Variants in ZDHHC11B observed in about 807,000 individuals in gnomAD.
The protein encoded by ZDHHC11B is zDHHC palmitoyltransferase 11B (putative).
Under a neutral mutation model 42.3 loss-of-function variants are expected in ZDHHC11B, and 17 were observed. The ratio of observed to expected loss-of-function variants is 0.40; its 90% confidence interval spans 0.27 to 0.60. The LOEUF (loss-of-function observed/expected upper bound fraction) is 0.60, where lower values mean the gene tolerates loss of function less well. Among genes scored for constraint, ZDHHC11B ranks in the 20% least tolerant of loss-of-function variants. The pLI is 0.41. For synonymous variants in ZDHHC11B, 123 were observed against 193.5 expected, an observed-to-expected ratio of 0.64 and a Z score of 3.02; for missense variants, 262 against 463.2, an observed-to-expected ratio of 0.57 and a Z score of 3.99.
At chr5:774,992 T>G (rs910731798) in intron 1 of ZDHHC11B, among the ~76,000 whole-genome samples, 2 of 151,998 alleles carry the variant, frequency 1.3e-5, no homozygotes, top group Non-Finnish European at 2.9e-5. Context: ...GGACAGGCCA[T>G]GCTCACATCA....
Position 733,768 on chromosome 5 carries a change from C to G in ZDHHC11B, c.1007G>C (p.Gly336Ala). The G allele has an allele frequency of 5.0e-6, 8 of 1,611,432 alleles. 1 individual carries two copies. The highest frequency in any genetic ancestry group is 6.8e-6 in the Non-Finnish European group (8 of 1,179,336). ...CHFCTSVNQD[G>A]DSKAQEADDA... Reference sequence around the variant, plus strand: ...GCAACTTACCTGTGCCTTCGAATCCCCGTCCTGGTTTACTGAAGTGCAGAA... The same window carrying G: ...GCAACTTACCTGTGCCTTCGAATCCGCGTCCTGGTTTACTGAAGTGCAGAA... Residue 336 changes from glycine (G) to alanine (A), a missense_variant, in exon 11 of 14, where the codon GGG (glycine) becomes GCG (alanine). By Grantham distance (60) the Gly-to-Ala change is moderately conservative. Coordinates refer to ENST00000508859, the MANE Select transcript of ZDHHC11B (RefSeq NM_001351303.2).
rs954367716 is a variant in ZDHHC11B at position 733,145 on chromosome 5, G to A, written c.1023+607C>T. Among the ~76,000 whole-genome samples the A allele has an allele frequency of 8.0e-5, 12 of 150,746 alleles. No individual in the cohort carries two copies. The South Asian group carries it at 1.7e-3, about 21-fold the overall frequency. On this transcript the variant is annotated intron_variant, in intron 11 of 13. Coordinates refer to ENST00000508859, the MANE Select transcript of ZDHHC11B (RefSeq NM_001351303.2). Reference sequence around the variant, plus strand: ...ATGTGGCCCTAAAGCCGGCAGCCGCGCTGGTCTTTTCCTGTGAAGGATGGA... The same window carrying A: ...ATGTGGCCCTAAAGCCGGCAGCCGCACTGGTCTTTTCCTGTGAAGGATGGA...
chr5:766,871 G>A lies in ZDHHC11B; in HGVS notation c.49C>T (p.Arg17Cys), dbSNP rs150725920. The change falls in exon 4 of 14, where the codon CGC (arginine) becomes TGC (cysteine). Residue 17 changes from arginine (R) to cysteine (C), a missense_variant. Physicochemically the swap from Arg to Cys is radical, Grantham distance 180. Transcript: ENST00000508859. ...GGCAAGACCAGCTCTTCATTGTTGCGTATGGCTTCTGGGGTGACGGAACAC... is the reference window on the plus strand; with the variant it reads ...GGCAAGACCAGCTCTTCATTGTTGCATATGGCTTCTGGGGTGACGGAACAC... The part of the protein sequence containing the change: ...SQCSVTPEAI[R>C]NNEELVLPPR... 7.8e-5 allele frequency: 126 copies of A among 1,612,706 alleles called. 3 individuals carry two copies. Among genetic ancestry groups the A allele is most frequent in the African/African-American group, 5.9e-4 (44 of 74,888 alleles).
At chr5:761,870 C>CT (rs1554040468) in intron 4 of ZDHHC11B, among the ~76,000 whole-genome samples, 2,251 of 149,994 alleles carry the variant, frequency 0.015, 117 homozygotes, top group African/African-American at 0.054. Flanking sequence ...CAGACAGCCA[C>CT]CCCTAGCCCC....
intron 10 of ZDHHC11B, among the ~76,000 whole-genome samples, chr5:739,318 A>C (rs1399891620): frequency 6.6e-6 from 1 of 151,360 alleles, no homozygotes; most frequent in Non-Finnish European, 1.5e-5. Context: ...GAATCGCTTC[A>C]ACCCAGGAGG....
At chr5:713,355 A>T (rs567087203) in intron 13 of ZDHHC11B, among the ~76,000 whole-genome samples, 2 of 152,016 alleles carry the variant, frequency 1.3e-5, no homozygotes, top group African/African-American at 2.4e-5. Context: ...AATTTAAAAA[A>T]TAGTTTTCTG....
At position 773,146 on chromosome 5, in the gene ZDHHC11B, G is replaced by A. The variant is rs554337348; in HGVS notation, c.-229-4216C>T. ...AATAAGAATACATTTAGTTTTAAGA[G>A]AATGAGGAGGTGTCAGACGGACAAC... is the stretch of plus-strand genomic sequence containing the variant. On this transcript the variant is annotated intron_variant, in intron 1 of 13. Coordinates refer to ENST00000508859, the MANE Select transcript of ZDHHC11B (RefSeq NM_001351303.2). Among the ~76,000 whole-genome samples, 21 of 151,940 alleles carry A rather than the reference G, an allele frequency of 1.4e-4. 1 individual carries two copies. The South Asian group carries it at 4.4e-3, about 32-fold the overall frequency.
At chr5:769,994 G>A (rs1042505953) in intron 1 of ZDHHC11B, among the ~76,000 whole-genome samples, 2 of 151,902 alleles carry the variant, frequency 1.3e-5, no homozygotes, top group Admixed American at 6.6e-5. Flanking sequence ...CACACCACTC[G>A]GTGCACATGT....
intron 8 of ZDHHC11B, among the ~76,000 whole-genome samples, chr5:746,969 T>G (rs1162160876): frequency 8.1e-6 from 1 of 122,836 alleles, no homozygotes; most frequent in Non-Finnish European, 1.8e-5. Context: ...ACTCTAAGCA[T>G]CTGAGGGTGA....
intron 7 of ZDHHC11B, among the ~76,000 whole-genome samples, chr5:749,532 C>T (rs1212895020): frequency 7.7e-6 from 1 of 129,818 alleles, no homozygotes; most frequent in African/African-American, 2.5e-5. Context: ...ATGCTGCCCC[C>T]CTTAGCCAGT....
At chr5:763,181 A>G (rs1214723391) in intron 4 of ZDHHC11B, among the ~76,000 whole-genome samples, 6 of 151,752 alleles carry the variant, frequency 4.0e-5, no homozygotes, top group African/African-American at 9.7e-5. Context: ...CAGACTGGCC[A>G]ATATGGTGAA....
At chr5:752,164 A>G (rs1401702863) in intron 6 of ZDHHC11B, among the ~76,000 whole-genome samples, 3 of 110,382 alleles carry the variant, frequency 2.7e-5, no homozygotes, top group Non-Finnish European at 6.1e-5. Context: ...AGGGAAGGGG[A>G]GAGCCATGAG....
intron 10 of ZDHHC11B, among the ~76,000 whole-genome samples, 172 bp downstream of exon 10, chr5:741,422 T>C (rs1378983296): frequency 6.8e-6 from 1 of 146,396 alleles, no homozygotes; most frequent in Admixed American, 7.1e-5. Flanking sequence ...AGATAGATAA[T>C]TTGGTATAAT....
In ZDHHC11B at chr5:755,061, C is replaced by T; in HGVS notation, c.440G>A (p.Cys147Tyr). 1 of 808,122 alleles carries T rather than the reference C, an allele frequency of 1.2e-6. No individual in the cohort carries two copies. The highest frequency in any genetic ancestry group is 1.9e-6 in the Non-Finnish European group (1 of 538,812). The allele number at this position is 808,122 out of a possible 1,614,324, so 50.1% of individuals were successfully genotyped here. A position where few individuals can be genotyped will look rare whatever the true frequency, so the allele number is the denominator to read the frequency against. The change falls in exon 6 of 14, where the codon TGT becomes TAT. Residue 147 changes from cysteine to tyrosine, a missense_variant. Cys to Tyr is a radical substitution (Grantham distance 194). Around this residue, in one of 5 missense-constraint regions of ZDHHC11B, gnomAD observed 33 missense variants for 174.6 expected, o/e 0.19. Coordinates refer to ENST00000508859, the MANE Select transcript of ZDHHC11B (RefSeq NM_001351303.2). ...KTKHCISCNK[C>Y]VSGFDHHCKW... is the part of the protein sequence containing the mutation. The stretch of plus-strand genomic sequence containing the variant: ...GCAGTGGTGGTCGAAGCCGGACACA[C>T]ACTTATTGCAGGAAATGCAGTGTTT...
At position 745,799 on chromosome 5, in the gene ZDHHC11B, C is replaced by T. The variant is rs544185915; in HGVS notation, c.785-501G>A. Among the ~76,000 whole-genome samples the T allele has an allele frequency of 4.0e-5, 6 of 149,994 alleles. No individual in the cohort carries two copies. In the East Asian group the frequency reaches 6.2e-4, roughly 15 times the overall value. Reference sequence around the variant, plus strand: ...GGGGGATGCACAGAGACCCCACAGTCGGAGGACCACGCAGTGGGGCGACCA... The same window carrying T: ...GGGGGATGCACAGAGACCCCACAGTTGGAGGACCACGCAGTGGGGCGACCA... On this transcript the variant is annotated intron_variant, in intron 8 of 13. Transcript: ENST00000508859.
chr5:774,165 A>G (rs1402965116), intron 1 of ZDHHC11B, among the ~76,000 whole-genome samples: 3 of 152,168 alleles, frequency 2.0e-5, no homozygotes, highest in African/African-American at 7.2e-5. Context: ...AAGAGGCCCC[A>G]CGGAAAATCA....
chr5:756,918 C>T (rs1278495779), intron 4 of ZDHHC11B, among the ~76,000 whole-genome samples: 2 of 151,718 alleles, frequency 1.3e-5, no homozygotes, highest in Non-Finnish European at 2.9e-5. Flanking sequence ...CTCAGGGAGC[C>T]CAGACTCACT....
At chr5:773,312 T>C (rs960998487) in intron 1 of ZDHHC11B, among the ~76,000 whole-genome samples, 3 of 151,934 alleles carry the variant, frequency 2.0e-5, no homozygotes, top group Admixed American at 1.3e-4. Flanking sequence ...GAGCCCTGGG[T>C]GCAGACCCTC....
chr5:716,754 C>T (rs1741779571), intron 13 of ZDHHC11B, 47 bp downstream of exon 13: 12 of 1,610,798 alleles, frequency 7.4e-6, no homozygotes, highest in African/African-American at 1.3e-5. Flanking sequence ...TCTAGAGAAC[C>T]AAACTTGGGT....
Sources: gnomAD v4.1 joint callset for allele counts (sites outside exome capture counted in the v4.1 genomes callset) on GRCh38, gnomAD v4.1.1 for gene constraint, gnomAD v4.1.1 regional missense constraint, MANE v1.5 for transcripts, NCBI Gene and HGNC (gene_info 2026-07-23, HGNC 2026-07-21) for gene names.